Variants in TRAPPC9 observed in about 807,000 individuals in gnomAD.
The protein encoded by TRAPPC9 is trafficking protein particle complex subunit 9.
A neutral mutation model predicts 124.0 loss-of-function variants in TRAPPC9; 83 were observed. The ratio of observed to expected loss-of-function variants is 0.67; its 90% CI spans 0.56 to 0.80. TRAPPC9 has a LOEUF of 0.80. Among genes scored for constraint, TRAPPC9 ranks in the 30% least tolerant of loss-of-function variants. TRAPPC9 has a pLI of 0.00. For synonymous variants in TRAPPC9, 638 were observed against 617.5 expected, an observed-to-expected ratio of 1.03 and a Z score of -0.49; for missense variants, 1,302 against 1,508.3, an observed-to-expected ratio of 0.86 and a Z score of 2.27.
intron 21 of TRAPPC9, among the ~76,000 whole-genome samples, chr8:139,885,321 C>G (rs1395206012): frequency 6.6e-6 from 1 of 152,180 alleles, no homozygotes; most frequent in Non-Finnish European, 1.5e-5. Flanking sequence ...TGCTAAGTGT[C>G]CAGTAATGGC....
rs2063852408 is a variant in TRAPPC9 at position 140,241,411 on chromosome 8, A to G, written c.2431+11366T>C. ...GTGAGACTCCATCTCAAAAATAAAA[A>G]TTGGGCCAGGCGCGGTGGCACCCGC... On this transcript the variant is annotated intron_variant, in intron 16 of 22. Coordinates refer to ENST00000438773, the MANE Select transcript of TRAPPC9 (RefSeq NM_001160372.4). This position sits in a 1 kb window ranked among gnomAD's most constrained non-coding sequence, Gnocchi z 5.0. Among the ~76,000 whole-genome samples the G allele has an allele frequency of 6.6e-6, 1 of 151,912 alleles. No homozygotes were observed. Among genetic ancestry groups the G allele is most frequent in the African/African-American group, 2.4e-5 (1 of 41,340 alleles).
At chr8:140,245,465 GT>G (rs1437796427) in intron 16 of TRAPPC9, among the ~76,000 whole-genome samples, 3 of 26,288 alleles carry the variant, frequency 1.1e-4, no homozygotes, top group South Asian at 3.1e-3. Context: ...TTGTTTTGTG[GT>G]GTGTGTGTGT....
At chr8:139,771,578 A>T (rs1354075334) in intron 21 of TRAPPC9, among the ~76,000 whole-genome samples, 2 of 152,216 alleles carry the variant, frequency 1.3e-5, no homozygotes, top group Non-Finnish European at 2.9e-5. Flanking sequence ...CAGGTCATGG[A>T]AGCGTAGGAC....
intron 17 of TRAPPC9, among the ~76,000 whole-genome samples, chr8:140,109,154 G>A (rs2060718743): frequency 6.6e-6 from 1 of 152,144 alleles, no homozygotes; most frequent in Non-Finnish European, 1.5e-5. Context: ...GGGAAGGCGA[G>A]GTCGACACAA....
intron 21 of TRAPPC9, among the ~76,000 whole-genome samples, chr8:139,831,423 C>T (rs572883681): frequency 6.6e-6 from 1 of 152,312 alleles, no homozygotes; most frequent in Admixed American, 6.5e-5. Flanking sequence ...TACACACACT[C>T]TTCCCACGCA....
rs1317656032 is a variant in TRAPPC9 at position 139,961,308 on chromosome 8, C to T, written c.2810+27418G>A. 1.6e-5 allele frequency among the ~76,000 whole-genome samples: 2 copies of T among 124,408 alleles called. 1 individual carries two copies. Among genetic ancestry groups the T allele is most frequent in the African/African-American group, 5.1e-5 (2 of 39,292 alleles). The allele number at this position is 124,408 out of a possible 152,430, so 81.6% of individuals were successfully genotyped here. A position where few individuals can be genotyped will look rare whatever the true frequency, so the allele number is the denominator to read the frequency against. ...CCATCATGCCGGCTGTGGCAGGGAG[C>T]ATGGCAGGGAGGCATGGCTGGGGCT... On this transcript the variant is annotated intron_variant, in intron 19 of 22. Transcript: ENST00000438773.
At chr8:140,142,845 G>A (rs1026647308) in intron 17 of TRAPPC9, among the ~76,000 whole-genome samples, 3 of 151,920 alleles carry the variant, frequency 2.0e-5, no homozygotes, top group Non-Finnish European at 4.4e-5. Flanking sequence ...GCCAAATGTA[G>A]AGAGCTGCTA....
intron 21 of TRAPPC9, among the ~76,000 whole-genome samples, chr8:139,775,129 G>A (rs988697022): frequency 1.3e-5 from 2 of 152,128 alleles, no homozygotes; most frequent in Admixed American, 6.5e-5. Context: ...CTGACTGGGC[G>A]GGACTCTGGG....
chr8:140,363,155 T>G (rs1032287305), intron 8 of TRAPPC9, among the ~76,000 whole-genome samples: 3 of 152,042 alleles, frequency 2.0e-5, no homozygotes, highest in African/African-American at 7.2e-5. Context: ...TTCATAAGAG[T>G]TCCTGGGCAA....
chr8:139,870,112 G>A (rs1223608658), intron 21 of TRAPPC9, among the ~76,000 whole-genome samples: 1 of 152,174 alleles, frequency 6.6e-6, no homozygotes, highest in Non-Finnish European at 1.5e-5. Context: ...TGGGTACACG[G>A]ACAGAAGAGA....
chr8:139,934,567 C>G (rs1297949274), intron 19 of TRAPPC9, among the ~76,000 whole-genome samples: 1 of 152,170 alleles, frequency 6.6e-6, no homozygotes. Context: ...TGATCAGCCC[C>G]TGTCTGAGTC....
At chr8:140,265,750 C>T (rs184770065) in intron 15 of TRAPPC9, among the ~76,000 whole-genome samples, 5 of 152,282 alleles carry the variant, frequency 3.3e-5, no homozygotes, top group African/African-American at 1.2e-4. Context: ...AAATTGGTTA[C>T]TTTACGTTGA....
chr8:140,001,740 C>G (rs911184574), intron 18 of TRAPPC9, among the ~76,000 whole-genome samples: 6 of 145,294 alleles, frequency 4.1e-5, no homozygotes, highest in African/African-American at 1.5e-4. Flanking sequence ...TCACAAACTA[C>G]AAAAATCCAT....
chr8:139,845,896 C>T (rs78965707), intron 21 of TRAPPC9, among the ~76,000 whole-genome samples: 1 of 152,348 alleles, frequency 6.6e-6, no homozygotes, highest in East Asian at 1.9e-4. Flanking sequence ...GGTTTCCAGG[C>T]TGGCAGATGA....
chr8:140,035,585 C>G (rs1438836237), intron 17 of TRAPPC9, among the ~76,000 whole-genome samples: 1 of 152,192 alleles, frequency 6.6e-6, no homozygotes, highest in Non-Finnish European at 1.5e-5. Flanking sequence ...CTCAGGACTT[C>G]CCCATCCTAT....
chr8:139,941,349 T>C (rs1330693218), intron 19 of TRAPPC9, among the ~76,000 whole-genome samples: 1 of 152,152 alleles, frequency 6.6e-6, no homozygotes, highest in East Asian at 1.9e-4. Flanking sequence ...CGGCAGCCCC[T>C]AGCCAGGAAG....
At chr8:140,201,008 G>T (rs528501381) in intron 17 of TRAPPC9, among the ~76,000 whole-genome samples, 1 of 152,288 alleles carries the variant, frequency 6.6e-6, no homozygotes, top group East Asian at 1.9e-4. Context: ...GATGAAAACA[G>T]ATGTAATATT....
intron 19 of TRAPPC9, among the ~76,000 whole-genome samples, chr8:139,976,209 C>T (rs1206098585): frequency 6.6e-6 from 1 of 151,898 alleles, no homozygotes; most frequent in Non-Finnish European, 1.5e-5. Context: ...TTTTAACACC[C>T]CATGCTGGAA....
intron 21 of TRAPPC9, among the ~76,000 whole-genome samples, chr8:139,777,888 G>C (rs1821503004): frequency 6.6e-6 from 1 of 152,198 alleles, no homozygotes; most frequent in South Asian, 2.1e-4. Context: ...TAAAGACTGT[G>C]AGTTGAGGAG....
Sources: allele counts gnomAD v4.1 joint callset (sites outside exome capture counted in the v4.1 genomes callset), GRCh38; gene constraint gnomAD v4.1.1; non-coding constraint Gnocchi (gnomAD v3.1); transcripts MANE v1.5; gene names NCBI Gene and HGNC (gene_info 2026-07-23, HGNC 2026-07-21).